Variants in IL23R observed in about 807,000 individuals in gnomAD.
The protein encoded by IL23R is interleukin-23 receptor.
A neutral mutation model predicts 56.9 loss-of-function variants in IL23R; 34 were observed. The observed-to-expected ratio is 0.60, with a 90% CI of 0.45 to 0.80. The LOEUF is 0.80. IL23R is among the 30% of genes least tolerant of loss of function. The pLI is 0.00. For synonymous variants in IL23R, 230 were observed against 249.2 expected (o/e 0.92, Z 0.73); for missense variants, 635 against 730.0 (o/e 0.87, Z 1.50).
chr1:67,227,950 CTTT>C (rs1650740864), intron 7 of IL23R, among the ~76,000 whole-genome samples: 2 of 62,704 alleles, frequency 3.2e-5, no homozygotes, highest in Non-Finnish European at 6.5e-5. Context: ...ATCTTTCTTT[CTTT>C]CTTTCTTTCT....
intron 4 of IL23R, among the ~76,000 whole-genome samples, chr1:67,198,978 C>T (rs1237762967): frequency 3.9e-5 from 6 of 152,202 alleles, no homozygotes; most frequent in South Asian, 4.2e-4. Context: ...TTGGCTTCCA[C>T]CTATTTCAGA....
chr1:67,143,634 A>T (rs1357463295), intron 1 of IL23R, among the ~76,000 whole-genome samples: 1 of 152,210 alleles, frequency 6.6e-6, no homozygotes, highest in Non-Finnish European at 1.5e-5. Flanking sequence ...TTTCTGGGAC[A>T]TTATGTCTCT....
intron 3 of IL23R, among the ~76,000 whole-genome samples, chr1:67,180,792 G>T (rs1647128429): frequency 6.6e-6 from 1 of 152,096 alleles, no homozygotes. Context: ...GCTTCCTTCA[G>T]GAGCTCTTTT....
At chr1:67,245,035 G>GT (rs2100346105) in intron 9 of IL23R, among the ~76,000 whole-genome samples, 1 of 152,268 alleles carries the variant, frequency 6.6e-6, no homozygotes, top group Non-Finnish European at 1.5e-5. Context: ...CACATCCCTT[G>GT]TAAGTTGTAT....
At chr1:67,149,299 T>C (rs1238970073) in intron 1 of IL23R, among the ~76,000 whole-genome samples, 3 of 152,158 alleles carry the variant, frequency 2.0e-5, no homozygotes, top group African/African-American at 7.2e-5. Context: ...TTAGCCTCGT[T>C]GGCCACCCCG....
chr1:67,179,251 C>T (rs1165277775), intron 3 of IL23R, among the ~76,000 whole-genome samples: 1 of 152,066 alleles, frequency 6.6e-6, no homozygotes, highest in Non-Finnish European at 1.5e-5. Context: ...TGGTCCTGGA[C>T]TTTTTTTGGT....
rs1345983902 is a variant in IL23R at position 67,225,672 on chromosome 1, A to AT, written c.955+5951dup. ...CTACAGACATCCACCACACCTGGCT[A>AT]TTTTTTTTTGCATTTTTAGTAGAGA... On this transcript the variant is annotated intron_variant, in intron 7 of 10. Transcript: ENST00000347310. Among the ~76,000 whole-genome samples the AT allele has an allele frequency of 3.7e-3, 551 of 150,144 alleles. 2 individuals are homozygous for AT. Among genetic ancestry groups the AT allele is most frequent in the African/African-American group, 0.012 (494 of 40,940 alleles).
chr1:67,191,903 C>G (rs1005692194), intron 4 of IL23R, among the ~76,000 whole-genome samples: 3 of 152,204 alleles, frequency 2.0e-5, no homozygotes, highest in Non-Finnish European at 2.9e-5. Context: ...ATCTCAGTCT[C>G]TTTTGCTGAT....
chr1:67,162,584 T>C (rs949638671), upstream of IL23R, among the ~76,000 whole-genome samples: 1 of 152,242 alleles, frequency 6.6e-6, no homozygotes, highest in Non-Finnish European at 1.5e-5. Context: ...CTGAATTGGC[T>C]AAAATTCTGA....
At chr1:67,161,054 A>C (rs1488505614) in intron 1 of IL23R, among the ~76,000 whole-genome samples, 1 of 152,218 alleles carries the variant, frequency 6.6e-6, no homozygotes, top group Admixed American at 6.5e-5. Context: ...TGTCACTGTT[A>C]ACAATAACTA....
chr1:67,139,049 T>A (rs1281297812), exon 1 of IL23R: 1 of 152,240 alleles, frequency 6.6e-6, no homozygotes, highest in Non-Finnish European at 1.5e-5. Context: ...AAGAGTGGAG[T>A]CAATCCAGGG....
chr1:67,219,540 AC>A, intron 6 of IL23R, 33 bp from the exon 7 acceptor site: 2 of 1,600,300 alleles, frequency 1.2e-6, no homozygotes, highest in African/African-American at 2.7e-5. Context: ...TTAAAAGCAC[AC>A]CACATTTTAT....
At chr1:67,181,092 T>C (rs895766549) in intron 3 of IL23R, among the ~76,000 whole-genome samples, 10 of 152,192 alleles carry the variant, frequency 6.6e-5, no homozygotes, top group African/African-American at 2.2e-4. Context: ...CTGACAATCA[T>C]GTGTCTTGGA....
At chr1:67,220,504 C>A (rs2100233429) in intron 7 of IL23R, among the ~76,000 whole-genome samples, 1 of 152,154 alleles carries the variant, frequency 6.6e-6, no homozygotes, top group South Asian at 2.1e-4. Context: ...TTTAAATTGT[C>A]ATTTTGCTTT....
At chr1:67,192,794 T>G (rs1174228641) in intron 4 of IL23R, among the ~76,000 whole-genome samples, 2 of 152,138 alleles carry the variant, frequency 1.3e-5, no homozygotes, top group Non-Finnish European at 2.9e-5. Context: ...CCACCTACAC[T>G]GCAATCCAAG....
intron 6 of IL23R, among the ~76,000 whole-genome samples, chr1:67,214,604 C>T (rs1246881281): frequency 6.6e-6 from 1 of 152,178 alleles, no homozygotes; most frequent in East Asian, 1.9e-4. Context: ...AACCAGAAAA[C>T]AGTTGGTTTC....
rs1365821404 is a variant in IL23R at position 67,228,000 on chromosome 1, T to TTC, written c.955+8272_955+8273dup. ...TTTCTTTCTTTCTTTCTTTCTTTCT[T>TTC]TCTTTCTTTCTTTCTTTCTTCCTTT... On this transcript the variant is annotated intron_variant, in intron 7 of 10. Coordinates refer to ENST00000347310, the MANE Select transcript of IL23R (RefSeq NM_144701.3). Among the ~76,000 whole-genome samples, 86 of 104,466 alleles carry TTC rather than the reference T, an allele frequency of 8.2e-4. 11 individuals carry two copies. Among genetic ancestry groups the TTC allele is most frequent in the African/African-American group, 3.2e-3 (82 of 25,634 alleles). 68.5% of individuals were successfully genotyped at this position (104,466 alleles called of 152,430 possible).
intron 1 of IL23R, among the ~76,000 whole-genome samples, chr1:67,140,258 A>T (rs1482285621): frequency 6.6e-6 from 1 of 152,356 alleles, no homozygotes; most frequent in East Asian, 1.9e-4. Context: ...GTTAGATCTG[A>T]TTTCATAAAT....
chr1:67,207,119 G>C, intron 6 of IL23R, 64 bp downstream of exon 6: 2 of 1,479,692 alleles, frequency 1.4e-6, no homozygotes, highest in Non-Finnish European at 1.9e-6. Flanking sequence ...ACCATCAGTG[G>C]CTACAGTGGA....
Sources: gnomAD v4.1 joint callset for allele counts (sites outside exome capture counted in the v4.1 genomes callset) on GRCh38, gnomAD v4.1.1 for gene constraint, MANE v1.5 for transcripts, NCBI Gene and HGNC (gene_info 2026-07-23, HGNC 2026-07-21) for gene names.